PARD3B: variants seen among roughly 807,000 people sequenced by gnomAD.
PARD3B encodes par-3 family cell polarity regulator beta.
In PARD3B, 103 loss-of-function variants were observed where a neutral mutation model predicts 130.2. The observed-to-expected ratio is 0.79, with a 90% CI of 0.67 to 0.93. The LOEUF is 0.93. Among genes scored for constraint, PARD3B ranks in the 40% least tolerant of loss-of-function variants. The pLI, the probability that PARD3B is intolerant of heterozygous loss-of-function variation, is 0.00. For missense variants in PARD3B, 1,609 were observed against 1,499.2 expected, an observed-to-expected ratio of 1.07 and a Z score of -1.21; for synonymous variants, 583 against 553.2, an observed-to-expected ratio of 1.05 and a Z score of -0.76.
chr2:204,854,558 T>A (rs2125613328), intron 2 of PARD3B, among the ~76,000 whole-genome samples: 1 of 152,142 alleles, frequency 6.6e-6, no homozygotes, highest in South Asian at 2.1e-4. Flanking sequence ...GACTCAGTAA[T>A]GGGGCATCGT....
chr2:204,969,231 T>C (rs74399871), intron 3 of PARD3B, among the ~76,000 whole-genome samples: 6 of 152,356 alleles, frequency 3.9e-5, no homozygotes, highest in Non-Finnish European at 8.8e-5. Context: ...TGAAACCCCA[T>C]GGTTCTTCTG....
intron 18 of PARD3B, among the ~76,000 whole-genome samples, chr2:205,376,215 G>A (rs982021077): frequency 1.3e-5 from 2 of 152,076 alleles, no homozygotes; most frequent in Non-Finnish European, 2.9e-5. Flanking sequence ...AGAAACACGA[G>A]GCCACCAGAT....
At chr2:205,165,722 AAAATAAATAAATAAATAAAT>A (rs71032449) in intron 11 of PARD3B, among the ~76,000 whole-genome samples, 200 of 146,182 alleles carry the variant, frequency 1.4e-3, no homozygotes, top group African/African-American at 3.7e-3. Context: ...CTCTGTCTCA[AAAATAAATAAATAAATAAAT>A]AAATAAATAA....
rs375801392 is a variant in PARD3B at position 205,300,778 on chromosome 2, A to G, written c.2392+42A>G. ...CCTTAAATGGCTTCTTCATCTCATT[A>G]TTATCTGCAAATCATGGGCAAGAAT... On this transcript the variant is annotated intron_variant, in intron 17 of 22. Transcript: ENST00000406610. The surrounding 1 kb of genome is among the most constrained non-coding windows in gnomAD (Gnocchi z 4.1). 303 of 1,562,092 alleles carry G rather than the reference A, an allele frequency of 1.9e-4. 2 individuals are homozygous for G. Among genetic ancestry groups the G allele is most frequent in the Middle Eastern group, 1.5e-3 (8 of 5,172 alleles).
rs36030743 is a variant in PARD3B at position 205,523,209 on chromosome 2, A to ATGTGTG, written c.3180+23190_3180+23195dup. 2.2e-3 allele frequency among the ~76,000 whole-genome samples: 318 copies of ATGTGTG among 141,412 alleles called. 2 individuals are homozygous for ATGTGTG. The highest frequency in any genetic ancestry group is 5.3e-3 in the African/African-American group (206 of 38,600). 92.8% of individuals were successfully genotyped at this position (141,412 alleles called of 152,430 possible). On this transcript the variant is annotated intron_variant, in intron 21 of 22. Coordinates refer to ENST00000406610, the MANE Select transcript of PARD3B (RefSeq NM_001302769.2). ...CTGTTTTCTTACCCCCGTGTACTATATGTGTGTGTGTGTGTGTATATATAT... is the reference window on the plus strand; with the variant it reads ...CTGTTTTCTTACCCCCGTGTACTATATGTGTGTGTGTGTGTGTGTGTGTATATATAT...
chr2:204,978,484 C>G (rs530326754), intron 3 of PARD3B, among the ~76,000 whole-genome samples: 2 of 152,244 alleles, frequency 1.3e-5, no homozygotes, highest in East Asian at 3.9e-4. Context: ...GTCAGTAGGG[C>G]AGTAGTCATC....
At chr2:204,883,405 T>TATATATATAATATATATATATAAAATATA (rs2046127746) in intron 2 of PARD3B, among the ~76,000 whole-genome samples, 5 of 101,308 alleles carry the variant, frequency 4.9e-5, no homozygotes, top group African/African-American at 1.4e-4. Flanking sequence ...TATATATATA[T>TATATATATAATATATATATATAAAATATA]TATATATATA....
intron 15 of PARD3B, among the ~76,000 whole-genome samples, chr2:205,208,956 C>G (rs1215445244): frequency 1.8e-4 from 23 of 130,530 alleles, no homozygotes; most frequent in Admixed American, 7.5e-5. Flanking sequence ...ATCACACTAC[C>G]TGACTTCAAA....
intron 22 of PARD3B, among the ~76,000 whole-genome samples, chr2:205,580,573 T>G (rs2053926948): frequency 6.6e-6 from 1 of 152,226 alleles, no homozygotes; most frequent in South Asian, 2.1e-4. Flanking sequence ...AATGCCTATT[T>G]TTTAACTATA....
chr2:204,563,503 A>G (rs533768696), intron 1 of PARD3B, among the ~76,000 whole-genome samples: 84 of 152,224 alleles, frequency 5.5e-4, no homozygotes, highest in African/African-American at 2.0e-3. Context: ...CCACTAAGAC[A>G]CATTGGGGGA....
chr2:204,957,909 GT>G (rs939209545), intron 2 of PARD3B, among the ~76,000 whole-genome samples: 40 of 151,284 alleles, frequency 2.6e-4, no homozygotes, highest in African/African-American at 8.0e-4. Flanking sequence ...AGGATACTGG[GT>G]TTTTTTTTGT....
intron 15 of PARD3B, among the ~76,000 whole-genome samples, chr2:205,211,218 A>G (rs1293732713): frequency 6.6e-6 from 1 of 152,108 alleles, no homozygotes; most frequent in Admixed American, 6.6e-5. Flanking sequence ...GCATATTAGT[A>G]CAAAGACTGG....
intron 2 of PARD3B, among the ~76,000 whole-genome samples, chr2:204,899,198 C>T (rs1303696297): frequency 7.3e-6 from 1 of 136,686 alleles, no homozygotes; most frequent in South Asian, 2.6e-4. Context: ...CCTTCCCTCC[C>T]TTCCCTCCCT....
chr2:205,070,527 C>A (rs900910658), intron 4 of PARD3B, among the ~76,000 whole-genome samples: 1 of 151,980 alleles, frequency 6.6e-6, no homozygotes, highest in African/African-American at 2.4e-5. Flanking sequence ...TTCCTCTTGT[C>A]CCTGTAGGTT....
intron 11 of PARD3B, among the ~76,000 whole-genome samples, chr2:205,161,576 C>T (rs190764374): frequency 5.9e-5 from 9 of 152,290 alleles, no homozygotes; most frequent in East Asian, 5.8e-4. Context: ...TGTTACGCCT[C>T]GGAAAATTGC....
rs2035956349 is a variant in PARD3B, at chr2:204,664,853, C to T, written c.121-21328C>T. 6.6e-6 allele frequency among the ~76,000 whole-genome samples: 1 copy of T among 152,186 alleles called. No individual in the cohort carries two copies. The highest frequency in any genetic ancestry group is 1.5e-5 in the Non-Finnish European group (1 of 68,030). On this transcript the variant is annotated intron_variant, in intron 1 of 22. Coordinates refer to ENST00000406610, the MANE Select transcript of PARD3B (RefSeq NM_001302769.2). The surrounding 1 kb of genome is among the most constrained non-coding windows in gnomAD (Gnocchi z 5.2). Reference sequence around the variant, plus strand: ...AAACAGTTTGAGGTATAATCAGTGTCTTCTCACTCTCTCCTTTTCTTTCAT... The same window carrying T: ...AAACAGTTTGAGGTATAATCAGTGTTTTCTCACTCTCTCCTTTTCTTTCAT...
intron 1 of PARD3B, among the ~76,000 whole-genome samples, chr2:204,562,829 A>T (rs2031403868): frequency 6.6e-6 from 1 of 151,704 alleles, no homozygotes; most frequent in Non-Finnish European, 1.5e-5. Context: ...CTAATAAAAA[A>T]AATTTTTTTT....
intron 2 of PARD3B, among the ~76,000 whole-genome samples, chr2:204,905,892 A>C (rs916670247): frequency 2.0e-5 from 3 of 152,200 alleles, no homozygotes; most frequent in Non-Finnish European, 4.4e-5. Context: ...ACCTGAAAAC[A>C]TTCCTAGAAA....
chr2:205,115,146 C>T (rs1703936507), intron 6 of PARD3B, among the ~76,000 whole-genome samples: 1 of 152,078 alleles, frequency 6.6e-6, no homozygotes, highest in South Asian at 2.1e-4. Flanking sequence ...GTTCAGAAAA[C>T]AAGCTGATCC....
Sources: gnomAD v4.1 joint callset for allele counts (sites outside exome capture counted in the v4.1 genomes callset) on GRCh38, gnomAD v4.1.1 for gene constraint, Gnocchi (gnomAD v3.1) non-coding constraint, MANE v1.5 for transcripts, NCBI Gene and HGNC (gene_info 2026-07-23, HGNC 2026-07-21) for gene names.